ZNF462: variants seen among roughly 807,000 people sequenced by gnomAD.
ZNF462 encodes zinc finger protein 462.
In ZNF462, 10 loss-of-function variants were observed where a neutral mutation model predicts 201.9. The observed-to-expected ratio is 0.05, with a 90% CI of 0.03 to 0.08. The LOEUF (loss-of-function observed/expected upper bound fraction) is 0.08. ZNF462 is among the 10% of genes least tolerant of loss of function. The probability of loss-of-function intolerance (pLI) is 1.00; values close to 1 mark genes in which losing one functional copy is unlikely to be tolerated. For synonymous variants in ZNF462, 1,227 were observed against 1,193.3 expected (o/e 1.03, Z -0.58); for missense variants, 2,523 against 3,168.3 (o/e 0.80, Z 4.89).
rs1179907180 is a variant in ZNF462, at chr9:106,962,990, G to A, written c.6428-9015G>A. On this transcript the variant is annotated intron_variant, in intron 7 of 12. Transcript: ENST00000277225. The surrounding 1 kb of genome is among the most constrained non-coding windows in gnomAD (Gnocchi z 4.6). ...AAATAATGTGACTGCCTTTAGAGGCGTATGTTCCCCCTTAGACACTATGGA... is the reference window on the plus strand; with the variant it reads ...AAATAATGTGACTGCCTTTAGAGGCATATGTTCCCCCTTAGACACTATGGA... 6.6e-6 allele frequency among the ~76,000 whole-genome samples: 1 copy of A among 152,018 alleles called. No individual in the cohort carries two copies. The highest frequency in any genetic ancestry group is 6.6e-5 in the Admixed American group (1 of 15,254).
At chr9:106,875,167 C>T (rs1827774070) in intron 1 of ZNF462, among the ~76,000 whole-genome samples, 1 of 152,142 alleles carries the variant, frequency 6.6e-6, no homozygotes, top group Middle Eastern at 3.2e-3. Flanking sequence ...TCTTTCTTCC[C>T]CTCTTGCCCC....
intron 1 of ZNF462, among the ~76,000 whole-genome samples, chr9:106,891,396 T>C (rs543882218): frequency 2.0e-5 from 3 of 152,348 alleles, no homozygotes; most frequent in East Asian, 3.9e-4. Context: ...GATTTTTTTT[T>C]CTCATCTTGT....
At chr9:106,948,026 A>G (rs1831182493) in intron 7 of ZNF462, among the ~76,000 whole-genome samples, 2 of 152,218 alleles carry the variant, frequency 1.3e-5, no homozygotes, top group Non-Finnish European at 2.9e-5. Context: ...AACTTTGGAT[A>G]GGAGAAGGAA....
rs75030990 is a variant in ZNF462, at chr9:106,869,294, G to A, written c.-31+5939G>A. 6.2e-4 allele frequency among the ~76,000 whole-genome samples: 94 copies of A among 152,260 alleles called. No individual in the cohort carries two copies. In the Middle Eastern group the frequency reaches 0.01, roughly 17 times the overall value. On this transcript the variant is annotated intron_variant, in intron 1 of 12. Coordinates refer to ENST00000277225, the MANE Select transcript of ZNF462 (RefSeq NM_021224.6). ...CTTACTCATTCAAAATGTGCCCTCC[G>A]TGTATCTTCTTGGAGCCCAACTCTC...
At position 106,929,839 on chromosome 9, in the gene ZNF462, A is replaced by G; in HGVS notation, c.5847+80A>G. ...CACATGCACTTCTTCGTTGCCAGCC[A>G]AACTGCTGCAGGCTTCCTAGTGACT... On this transcript the variant is annotated intron_variant, in intron 3 of 12. Transcript: ENST00000277225. This position sits in a 1 kb window ranked among gnomAD's most constrained non-coding sequence, Gnocchi z 8.7. 7.6e-7 allele frequency: 1 copy of G among 1,310,740 alleles called. No homozygotes were observed. The highest frequency in any genetic ancestry group is 1.4e-5 in the South Asian group (1 of 70,088). 81.2% of individuals were successfully genotyped at this position (1,310,740 alleles called of 1,614,324 possible). A position where few individuals can be genotyped will look rare whatever the true frequency, so the allele number is the denominator to read the frequency against.
At chr9:106,951,888 G>A (rs186159233) in intron 7 of ZNF462, among the ~76,000 whole-genome samples, 12 of 151,130 alleles carry the variant, frequency 7.9e-5, no homozygotes, top group African/African-American at 2.2e-4. Context: ...TTGGAGTCGC[G>A]GTGCTGTAGC....
Position 106,886,425 on chromosome 9 carries a change from G to T in ZNF462, c.-31+23070G>T, listed in dbSNP as rs1353716968. 6.6e-6 allele frequency among the ~76,000 whole-genome samples: 1 copy of T among 152,222 alleles called. No homozygotes were observed. The highest frequency in any genetic ancestry group is 1.5e-5 in the Non-Finnish European group (1 of 68,030). On this transcript the variant is annotated intron_variant, in intron 1 of 12. Coordinates refer to ENST00000277225, the MANE Select transcript of ZNF462 (RefSeq NM_021224.6). This position sits in a 1 kb window ranked among gnomAD's most constrained non-coding sequence, Gnocchi z 4.6. ...ATTCAAGCCACTGCATGTTGGCAATGTAGTAGATCCTGGTTTTAAAAATAA... is the reference window on the plus strand; with the variant it reads ...ATTCAAGCCACTGCATGTTGGCAATTTAGTAGATCCTGGTTTTAAAAATAA...
Position 106,935,865 on chromosome 9 carries a change from C to T in ZNF462, c.6235+244C>T, listed in dbSNP as rs899851784. On this transcript the variant is annotated intron_variant, in intron 6 of 12. Transcript: ENST00000277225. The surrounding 1 kb of genome is among the most constrained non-coding windows in gnomAD (Gnocchi z 4.1). The stretch of plus-strand genomic sequence containing the variant: ...TCACCCATGTTATGGTTAGTTCGTT[C>T]GTCCTACTGACAAGTTAGAATTAGA... Among the ~76,000 whole-genome samples, 5 of 152,228 alleles carry T rather than the reference C, an allele frequency of 3.3e-5. No homozygotes were observed. The East Asian group carries it at 5.8e-4, about 18-fold the overall frequency.
At chr9:106,916,139 T>G (rs943620453) in intron 1 of ZNF462, among the ~76,000 whole-genome samples, 4 of 152,206 alleles carry the variant, frequency 2.6e-5, no homozygotes, top group African/African-American at 9.6e-5. Context: ...ATTTTTTTTT[T>G]CTTTGCATAG....
Position 106,865,751 on chromosome 9 carries a change from A to G in ZNF462, c.-31+2396A>G, listed in dbSNP as rs1399728861. Reference sequence around the variant, plus strand: ...TGTCAGTTGAGAAAACCTTATGTCCAGGTATCTTCACCTTTTTAATTGGGA... The same window carrying G: ...TGTCAGTTGAGAAAACCTTATGTCCGGGTATCTTCACCTTTTTAATTGGGA... On this transcript the variant is annotated intron_variant, in intron 1 of 12. Transcript: ENST00000277225. The surrounding 1 kb of genome is among the most constrained non-coding windows in gnomAD (Gnocchi z 4.1). Among the ~76,000 whole-genome samples the G allele has an allele frequency of 6.6e-6, 1 of 152,248 alleles. No individual in the cohort carries two copies. The highest frequency in any genetic ancestry group is 1.5e-5 in the Non-Finnish European group (1 of 68,042).
intron 1 of ZNF462, among the ~76,000 whole-genome samples, chr9:106,910,962 C>A (rs1829524962): frequency 6.6e-6 from 1 of 152,184 alleles, no homozygotes; most frequent in Non-Finnish European, 1.5e-5. Context: ...ACGAAAGCGT[C>A]ATGTCATGGA....
Position 106,950,949 on chromosome 9 carries a change from G to A in ZNF462, c.6427+11842G>A, listed in dbSNP as rs184879334. Among the ~76,000 whole-genome samples, 1 of 152,180 alleles carries A rather than the reference G, an allele frequency of 6.6e-6. No individual in the cohort carries two copies. Among genetic ancestry groups the A allele is most frequent in the East Asian group, 1.9e-4 (1 of 5,172 alleles). Reference sequence around the variant, plus strand: ...TACTAAAAATACAAAAATTAGCCAGGCTTGGTGGCGAGCGCCTGTAATTCC... The same window carrying A: ...TACTAAAAATACAAAAATTAGCCAGACTTGGTGGCGAGCGCCTGTAATTCC... On this transcript the variant is annotated intron_variant, in intron 7 of 12. Transcript: ENST00000277225. This position sits in a 1 kb window ranked among gnomAD's most constrained non-coding sequence, Gnocchi z 4.1.
At chr9:106,959,586 G>C (rs181269266) in intron 7 of ZNF462, among the ~76,000 whole-genome samples, 10 of 152,110 alleles carry the variant, frequency 6.6e-5, no homozygotes, top group African/African-American at 2.4e-4. Context: ...GGACACAGAG[G>C]TGTGTTGGGT....
At chr9:106,910,374 T>G (rs561198456) in intron 1 of ZNF462, among the ~76,000 whole-genome samples, 1,829 of 148,818 alleles carry the variant, frequency 0.012, 36 homozygotes, top group African/African-American at 0.043. Flanking sequence ...TTTTTTTTTT[T>G]TTTTTTTTTT....
At position 106,935,561 on chromosome 9, in the gene ZNF462, T is replaced by C. The variant is rs1346171171; in HGVS notation, c.6175T>C (p.Cys2059Arg). ...GHHKPFRCKL[C>R]SFKSSYNSRL... ...CCATAAACCATTCCGATGCAAACTCTGCTCCTTCAAGTCCTCCTATAACAG... is the reference window on the plus strand; with the variant it reads ...CCATAAACCATTCCGATGCAAACTCCGCTCCTTCAAGTCCTCCTATAACAG... Residue 2059 changes from cysteine (C) to arginine (R), a missense_variant, in exon 6 of 13, where the codon TGC (cysteine) becomes CGC (arginine). Coordinates refer to ENST00000277225, the MANE Select transcript of ZNF462 (RefSeq NM_021224.6). This position sits in a 1 kb window ranked among gnomAD's most constrained non-coding sequence, Gnocchi z 4.1. The C allele has an allele frequency of 1.2e-6, 2 of 1,614,132 alleles. No homozygotes were observed. Among genetic ancestry groups the C allele is most frequent in the Non-Finnish European group, 1.7e-6 (2 of 1,179,994 alleles).
In ZNF462 at chr9:106,925,562, G is replaced by A. The variant is rs750520083; in HGVS notation, c.1650G>A (p.Pro550=). The A allele has an allele frequency of 5.8e-5, 93 of 1,610,324 alleles. No individual in the cohort carries two copies. The highest frequency in any genetic ancestry group is 6.7e-5 in the Admixed American group (4 of 59,568). Reference sequence around the variant, plus strand: ...CACCGCAGCCACCACCACCGCCGCCGCCACCACCACCATCACAGCCACAGC... The same window carrying A: ...CACCGCAGCCACCACCACCGCCGCCACCACCACCACCATCACAGCCACAGC... ...QQPPQPPPPP[P]PPPPSQPQPL... The change falls in exon 3 of 13, where the codon CCG becomes CCA. Residue 550 remains proline (P), a synonymous_variant. Coordinates refer to ENST00000277225, the MANE Select transcript of ZNF462 (RefSeq NM_021224.6). The surrounding 1 kb of genome is among the most constrained non-coding windows in gnomAD (Gnocchi z 7.9).
chr9:106,882,162 G>T (rs1351764449), intron 1 of ZNF462, among the ~76,000 whole-genome samples: 2 of 152,146 alleles, frequency 1.3e-5, no homozygotes, highest in Non-Finnish European at 2.9e-5. Flanking sequence ...CAACTTTGAA[G>T]GCCAACCACT....
At position 106,923,121 on chromosome 9, in the gene ZNF462, A is replaced by G. The variant is rs1377133033; in HGVS notation, c.-30-233A>G. Among the ~76,000 whole-genome samples, 1 of 152,240 alleles carries G rather than the reference A, an allele frequency of 6.6e-6. No individual in the cohort carries two copies. Among genetic ancestry groups the G allele is most frequent in the Non-Finnish European group, 1.5e-5 (1 of 68,046 alleles). On this transcript the variant is annotated intron_variant, in intron 1 of 12. Transcript: ENST00000277225. This position sits in a 1 kb window ranked among gnomAD's most constrained non-coding sequence, Gnocchi z 5.6. Reference sequence around the variant, plus strand: ...GACAAATGGCATTGGAAGACATATCATGCTAGAAAATGTTTATCTGGTATT... The same window carrying G: ...GACAAATGGCATTGGAAGACATATCGTGCTAGAAAATGTTTATCTGGTATT...
At chr9:106,868,074 G>GAAAAAA (rs5899719) in intron 1 of ZNF462, among the ~76,000 whole-genome samples, 1 of 145,508 alleles carries the variant, frequency 6.9e-6, no homozygotes. Flanking sequence ...CCAGTGAACT[G>GAAAAAA]AAAAAAAAAA....
Sources: allele counts gnomAD v4.1 joint callset (sites outside exome capture counted in the v4.1 genomes callset), GRCh38; gene constraint gnomAD v4.1.1; non-coding constraint Gnocchi (gnomAD v3.1); transcripts MANE v1.5; gene names NCBI Gene and HGNC (gene_info 2026-07-23, HGNC 2026-07-21).